The following ATG9B variants were observed in gnomAD, a reference collection of about 807,000 sequenced individuals.
ATG9B encodes autophagy-related protein 9B.
A neutral mutation model predicts 92.9 loss-of-function variants in ATG9B; 92 were observed. That is an observed-to-expected ratio of 0.99 (90% CI 0.84 to 1.18). The LOEUF (loss-of-function observed/expected upper bound fraction) is 1.18, where lower values mean the gene tolerates loss of function less well. Among genes scored for constraint, ATG9B ranks in the 50% most tolerant of loss-of-function variants. The pLI, the probability that ATG9B is intolerant of heterozygous loss-of-function variation, is 0.00. For missense variants in ATG9B, 1,344 were observed against 1,235.0 expected, an observed-to-expected ratio of 1.09 and a Z score of -1.32; for synonymous variants, 599 against 551.4, an observed-to-expected ratio of 1.09 and a Z score of -1.21.
chr7:151,018,141 G>A lies in ATG9B; in HGVS notation c.1873-91C>T, dbSNP rs535852707. 9.2e-5 allele frequency: 135 copies of A among 1,469,752 alleles called. 2 individuals are homozygous for A. The South Asian group carries it at 1.7e-3, about 19-fold the overall frequency. The allele number at this position is 1,469,752 out of a possible 1,614,324, so 91.0% of individuals were successfully genotyped here. A position where few individuals can be genotyped will look rare whatever the true frequency, so the allele number is the denominator to read the frequency against. ...GCAGTCCCCAGCGACCCTCGCCAGGGCAAGAAGCCTCCCCACCCAGTCACT... is the reference window on the plus strand; with the variant it reads ...GCAGTCCCCAGCGACCCTCGCCAGGACAAGAAGCCTCCCCACCCAGTCACT... On this transcript the variant is annotated intron_variant, in intron 7 of 13. Coordinates refer to ENST00000639579, the MANE Select transcript of ATG9B (RefSeq NM_001317056.2). This position sits in a 1 kb window ranked among gnomAD's most constrained non-coding sequence, Gnocchi z 4.7.
chr7:151,018,906 C>G lies in ATG9B; in HGVS notation c.1432G>C (p.Ala478Pro). The G allele has an allele frequency of 6.7e-7, 1 of 1,485,742 alleles. No individual in the cohort carries two copies. Among genetic ancestry groups the G allele is most frequent in the Non-Finnish European group, 8.9e-7 (1 of 1,126,376 alleles). 92.0% of individuals were successfully genotyped at this position (1,485,742 alleles called of 1,614,324 possible). Reference protein sequence around the residue: ...LLRREPGALGARGWSRLARLQ... With the variant: ...LLRREPGALGPRGWSRLARLQ... ...CGCGCCAGGCGGGACCAGCCGCGCG[C>G]CCCCAGCGCGCCAGGCTCGCGCCGC... Residue 478 changes from alanine (A) to proline (P), a missense_variant, in exon 6 of 14, where the codon GCG becomes CCG. By Grantham distance (27) the Ala-to-Pro change is conservative. Coordinates refer to ENST00000639579, the MANE Select transcript of ATG9B (RefSeq NM_001317056.2). The surrounding 1 kb of genome is among the most constrained non-coding windows in gnomAD (Gnocchi z 4.7).
intron 8 of ATG9B, 36 bp downstream of exon 8, chr7:151,017,835 C>T: frequency 6.5e-7 from 1 of 1,538,946 alleles, no homozygotes; most frequent in Non-Finnish European, 8.8e-7. Context: ...AACTCCCACC[C>T]AGCCCAAACC....
In ATG9B at chr7:151,021,346, G is replaced by T; in HGVS notation, c.822-17C>A. On this transcript the variant is annotated splice_polypyrimidine_tract_variant and intron_variant, in intron 4 of 13. Coordinates refer to ENST00000639579, the MANE Select transcript of ATG9B (RefSeq NM_001317056.2). ...GAGCGGATCCTGTATGGGGTTGGGC[G>T]GGCAGTGGGGGAGAAAGGTGGGCGC... 6.4e-7 allele frequency: 1 copy of T among 1,568,134 alleles called. No individual in the cohort carries two copies. Among genetic ancestry groups the T allele is most frequent in the Non-Finnish European group, 8.7e-7 (1 of 1,156,062 alleles).
At chr7:151,013,549 T>TC, downstream of ATG9B, 1 of 1,002,908 alleles carries the variant, frequency 1.0e-6, no homozygotes, top group Non-Finnish European at 1.4e-6. Flanking sequence ...TAGGCCCGCC[T>TC]CCTCCCGCCC....
At chr7:151,012,918 G>A (rs900934052), downstream of ATG9B, 2 of 417,134 alleles carry the variant, frequency 4.8e-6, no homozygotes, top group Admixed American at 4.2e-5. Context: ...AGAATATGAA[G>A]TGGGAGCGGG....
chr7:151,024,394 T>G lies in ATG9B; in HGVS notation c.30A>C (p.Arg10Ser). MVSRMGWGG[R>S]RRRLGRWGDL... ...CTCCCCACCGCCCCAGCCGCCTTCT[T>G]CTCCCCCCCCAGCCCATTCGGCTCA... is the stretch of plus-strand genomic sequence containing the variant. The change falls in exon 1 of 14, where the codon AGA (arginine) becomes AGC (serine). Residue 10 changes from arginine to serine, a missense_variant. By Grantham distance (110) the Arg-to-Ser change is moderately radical. Transcript: ENST00000639579. 7.3e-7 allele frequency: 1 copy of G among 1,370,482 alleles called. No individual in the cohort carries two copies. The highest frequency in any genetic ancestry group is 9.5e-7 in the Non-Finnish European group (1 of 1,057,008). 84.9% of individuals were successfully genotyped at this position (1,370,482 alleles called of 1,614,324 possible).
chr7:151,016,524 A>G lies in ATG9B; in HGVS notation c.2427T>C (p.Ser809=). The G allele has an allele frequency of 6.4e-7, 1 of 1,550,796 alleles. No individual in the cohort carries two copies. Among genetic ancestry groups the G allele is most frequent in the Non-Finnish European group, 8.7e-7 (1 of 1,146,900 alleles). Residue 809 remains serine (S), a synonymous_variant, in exon 11 of 14, where the codon TCT becomes TCC. Coordinates refer to ENST00000639579, the MANE Select transcript of ATG9B (RefSeq NM_001317056.2). The part of the protein sequence containing the change: ...SISRIAQDPS[S]VSPGGTGGQK... ...GGCCCCCAGTGCCTCCTGGGGACAC[A>G]GAGCTGGAACATAACATGAAGCAGG...
rs2117165184 is a variant in ATG9B, at chr7:151,019,240, G to A, written c.1098C>T (p.Asn366=). 1.3e-6 allele frequency: 2 copies of A among 1,558,662 alleles called. No homozygotes were observed. Among genetic ancestry groups the A allele is most frequent in the Admixed American group, 3.7e-5 (2 of 53,420 alleles). The change falls in exon 6 of 14, where the codon AAC becomes AAT. Residue 366 remains asparagine (N), a synonymous_variant. Transcript: ENST00000639579. ...DIHHRILRYT[N]YQVALANKGL... Reference sequence around the variant, plus strand: ...CTTTGTTGGCCAGCGCCACCTGGTAGTTGGTGTAGCGCAGGATGCGGTGGT... The same window carrying A: ...CTTTGTTGGCCAGCGCCACCTGGTAATTGGTGTAGCGCAGGATGCGGTGGT...
chr7:151,015,782 AC>A lies in ATG9B; in HGVS notation c.*15-70del, dbSNP rs1002320767. On this transcript the variant is annotated intron_variant, in intron 13 of 13. Coordinates refer to ENST00000639579, the MANE Select transcript of ATG9B (RefSeq NM_001317056.2). ...ATTCCAGAGATGACCACCTCCCATC[AC>A]CCCAAATTCCCACCACTGCTCCCAT... The A allele has an allele frequency of 7.1e-6, 10 of 1,413,988 alleles. No homozygotes were observed. In the Admixed American group the frequency reaches 2.4e-4, roughly 34 times the overall value. 87.6% of individuals were successfully genotyped at this position (1,413,988 alleles called of 1,614,324 possible). A position where few individuals can be genotyped will look rare whatever the true frequency, so the allele number is the denominator to read the frequency against.
intron 4 of ATG9B, among the ~76,000 whole-genome samples, 194 bp downstream of exon 4, chr7:151,022,851 A>G (rs999882744): frequency 6.6e-6 from 1 of 150,718 alleles, no homozygotes; most frequent in Non-Finnish European, 1.5e-5. Flanking sequence ...AAAAAAAAAG[A>G]TATACTTAAT....
intron 5 of ATG9B, chr7:151,020,924 G>C: frequency 2.8e-6 from 1 of 356,706 alleles, no homozygotes; most frequent in Non-Finnish European, 5.1e-6. Flanking sequence ...TCTAATCAAT[G>C]TTTTTAGCAC....
intron 4 of ATG9B, 54 bp downstream of exon 4, chr7:151,022,991 C>T: frequency 6.2e-7 from 1 of 1,611,156 alleles, no homozygotes; most frequent in Non-Finnish European, 8.5e-7. Context: ...CCCGTCTACT[C>T]CTCTACCCAC....
intron 4 of ATG9B, among the ~76,000 whole-genome samples, chr7:151,021,737 C>A (rs1027304763): frequency 6.6e-6 from 1 of 151,630 alleles, no homozygotes; most frequent in Admixed American, 6.6e-5. Flanking sequence ...GCAACCTCCA[C>A]CTCCCGGGTT....
chr7:151,016,211 CCTGCTGCTG>C lies in ATG9B; in HGVS notation c.2536_2544del (p.Gln846_Gln848del). 8 of 1,496,648 alleles carry C rather than the reference CCTGCTGCTG, an allele frequency of 5.3e-6. No homozygotes were observed. The highest frequency in any genetic ancestry group is 7.1e-6 in the Non-Finnish European group (8 of 1,120,020). The allele number at this position is 1,496,648 out of a possible 1,614,324, so 92.7% of individuals were successfully genotyped here. A position where few individuals can be genotyped will look rare whatever the true frequency, so the allele number is the denominator to read the frequency against. On this transcript the variant is annotated inframe_deletion, in exon 12 of 14. Coordinates refer to ENST00000639579, the MANE Select transcript of ATG9B (RefSeq NM_001317056.2). Reference sequence around the variant, plus strand: ...GAGGCTGCAGCCTCACCCCACGGCTCCTGCTGCTGCTGCTGCTGGTGAAGCTGCATGGAA... The same window carrying C: ...GAGGCTGCAGCCTCACCCCACGGCTCCTGCTGCTGGTGAAGCTGCATGGAA...
Position 151,018,073 on chromosome 7 carries a change from G to C in ATG9B, c.1873-23C>G. On this transcript the variant is annotated intron_variant, in intron 7 of 13. Transcript: ENST00000639579. This position sits in a 1 kb window ranked among gnomAD's most constrained non-coding sequence, Gnocchi z 4.7. The stretch of plus-strand genomic sequence containing the variant: ...GACCTGGGGAAGCAGCGGTGAGGCT[G>C]AGCAGGGGTCGCTGAGGGGCCCACG... 6.4e-7 allele frequency: 1 copy of C among 1,556,788 alleles called. No homozygotes were observed.
At chr7:151,022,873 A>T (rs1795801838) in intron 4 of ATG9B, among the ~76,000 whole-genome samples, 172 bp downstream of exon 4, 1 of 151,434 alleles carries the variant, frequency 6.6e-6, no homozygotes, top group African/African-American at 2.5e-5. Context: ...CACTTTAAGT[A>T]CAACTTAATA....
intron 4 of ATG9B, 36 bp downstream of exon 4, chr7:151,023,009 G>C: frequency 6.2e-7 from 1 of 1,613,552 alleles, no homozygotes; most frequent in Non-Finnish European, 8.5e-7. Flanking sequence ...CACTGCCCAT[G>C]CTTCACCCCC....
rs759638378 is a variant in ATG9B, at chr7:151,024,323, G to C, written c.101C>G (p.Pro34Arg). 3 of 1,429,864 alleles carry C rather than the reference G, an allele frequency of 2.1e-6. No individual in the cohort carries two copies. The East Asian group carries it at 7.7e-5, about 37-fold the overall frequency. The allele number at this position is 1,429,864 out of a possible 1,614,324, so 88.6% of individuals were successfully genotyped here. The change falls in exon 1 of 14, where the codon CCT (proline) becomes CGT (arginine). Residue 34 changes from proline to arginine, a missense_variant. Pro to Arg is a moderately radical substitution (Grantham distance 103, BLOSUM62 -2). Coordinates refer to ENST00000639579, the MANE Select transcript of ATG9B (RefSeq NM_001317056.2). ...SVPLLPMPLP[P>R]PPPPSCRGPG... ...TCCCCGGCATGAAGGAGGAGGAGGAGGTGGCAGTGGCATGGGGAGGAGGGG... is the reference window on the plus strand; with the variant it reads ...TCCCCGGCATGAAGGAGGAGGAGGACGTGGCAGTGGCATGGGGAGGAGGGG...
In ATG9B at chr7:151,019,260, G is replaced by C; in HGVS notation, c.1078C>G (p.Arg360Gly). Residue 360 changes from arginine (R) to glycine (G), a missense_variant, in exon 6 of 14, where the codon CGC (arginine) becomes GGC (glycine). Coordinates refer to ENST00000639579, the MANE Select transcript of ATG9B (RefSeq NM_001317056.2). ...RPLTELDIHH[R>G]ILRYTNYQVA... is the part of the protein sequence containing the mutation. ...TGGTAGTTGGTGTAGCGCAGGATGC[G>C]GTGGTGGATGTCCAGCTCCGTCAGG... is the stretch of plus-strand genomic sequence containing the variant. The C allele has an allele frequency of 6.3e-7, 1 of 1,576,710 alleles. No homozygotes were observed. The highest frequency in any genetic ancestry group is 8.6e-7 in the Non-Finnish European group (1 of 1,168,430).
Sources: allele counts gnomAD v4.1 joint callset (sites outside exome capture counted in the v4.1 genomes callset), GRCh38; gene constraint gnomAD v4.1.1; non-coding constraint Gnocchi (gnomAD v3.1); transcripts MANE v1.5; gene names NCBI Gene and HGNC (gene_info 2026-07-23, HGNC 2026-07-21).